Variants in BTD observed in about 807,000 individuals in gnomAD.
BTD encodes biocytinase.
Under a neutral mutation model 17.7 loss-of-function variants are expected in BTD, and 13 were observed. That is an observed-to-expected ratio of 0.74 (90% CI 0.48 to 1.17). The LOEUF is 1.17. BTD is among the 50% of genes most tolerant of loss of function. BTD has a pLI of 0.00. For synonymous variants in BTD, 240 were observed against 245.2 expected (o/e 0.98, Z 0.20); for missense variants, 674 against 650.4 (o/e 1.04, Z -0.39).
At chr3:15,628,704 T>C (rs2065127565) in intron 1 of BTD, among the ~76,000 whole-genome samples, 2 of 152,208 alleles carry the variant, frequency 1.3e-5, no homozygotes, top group Admixed American at 1.3e-4. Context: ...TGGAAAAGCT[T>C]TATGTGTGTG....
At position 15,646,643 on chromosome 3, in the gene BTD, A is replaced by C; in HGVS notation, c.*1155A>C. 1 of 152,244 alleles carries C rather than the reference A, an allele frequency of 6.6e-6. No individual in the cohort carries two copies. The highest frequency in any genetic ancestry group is 1.5e-5 in the Non-Finnish European group (1 of 68,050). The allele number at this position is 152,244 out of a possible 1,614,324, so 9.4% of individuals were successfully genotyped here. A position where few individuals can be genotyped will look rare whatever the true frequency, so the allele number is the denominator to read the frequency against. On this transcript the variant is annotated 3_prime_UTR_variant, in exon 4 of 4. Coordinates refer to ENST00000643237, the MANE Select transcript of BTD (RefSeq NM_001370658.1). ...CCATTTAAAAAAGGATTTTGACTGC[A>C]TGCCTAGTAGCTGTTTCAGATCATT...
At chr3:15,720,256 C>A (rs1157255557) in intron 4 of BTD, among the ~76,000 whole-genome samples, 1 of 152,078 alleles carries the variant, frequency 6.6e-6, no homozygotes, top group Non-Finnish European at 1.5e-5. Context: ...TTATGTGCAA[C>A]ACACTGACAG....
intron 2 of BTD, among the ~76,000 whole-genome samples, chr3:15,640,593 G>A (rs993383003): frequency 6.6e-6 from 1 of 152,036 alleles, no homozygotes; most frequent in African/African-American, 2.4e-5. Flanking sequence ...GTTTCATCAT[G>A]TTGGGCAGGC....
At chr3:15,689,217 G>C (rs2068498357) in intron 3 of BTD, among the ~76,000 whole-genome samples, 1 of 152,140 alleles carries the variant, frequency 6.6e-6, no homozygotes, top group African/African-American at 2.4e-5. Flanking sequence ...TGGGCCACTG[G>C]GTTTTAGAGG....
rs150356210 is a variant in BTD, at chr3:15,604,940, A to G, written c.-17+3046A>G. Among the ~76,000 whole-genome samples the G allele has an allele frequency of 1.8e-3, 271 of 152,178 alleles. 1 individual carries two copies. Among genetic ancestry groups the G allele is most frequent in the African/African-American group, 6.3e-3 (262 of 41,498 alleles). The stretch of plus-strand genomic sequence containing the variant: ...TCTAGGAGGTTCCAAACTTTCCCAC[A>G]TTTTCCTGTCTTCTGAGCCCTCCAA... On this transcript the variant is annotated intron_variant, in intron 1 of 3. Transcript: ENST00000643237.
At chr3:15,674,554 G>A (rs931900661) in intron 3 of BTD, among the ~76,000 whole-genome samples, 1 of 152,172 alleles carries the variant, frequency 6.6e-6, no homozygotes, top group African/African-American at 2.4e-5. Context: ...AATTAGGCAC[G>A]TGGATATATA....
chr3:15,618,258 C>T (rs896940079), intron 1 of BTD, among the ~76,000 whole-genome samples: 1 of 152,212 alleles, frequency 6.6e-6, no homozygotes, highest in South Asian at 2.1e-4. Context: ...TAAGCCACTG[C>T]TCCATATGCA....
At chr3:15,709,813 G>A in intron 3 of BTD, 2 of 876,554 alleles carry the variant, frequency 2.3e-6, no homozygotes, top group Admixed American at 3.1e-5. Context: ...AAAGAAGCAT[G>A]AAAGCATGTT....
rs527899879 is a variant in BTD at position 15,711,513 on chromosome 3, A to T, written c.*1439A>T. Among the ~76,000 whole-genome samples the T allele has an allele frequency of 2.6e-5, 4 of 152,348 alleles. No homozygotes were observed. In the East Asian group the frequency reaches 7.7e-4, roughly 29 times the overall value. ...ACCCTTGAGAACATTATATTAAGTG[A>T]AACAAGCCAGTCACAGAAGATCACA... On this transcript the variant is annotated 3_prime_UTR_variant, in exon 4 of 4. Coordinates refer to the BTD transcript ENST00000672141.
downstream of BTD, among the ~76,000 whole-genome samples, chr3:15,715,581 G>T (rs1021338166): frequency 6.6e-6 from 1 of 152,192 alleles, no homozygotes; most frequent in Non-Finnish European, 1.5e-5. Context: ...GAGAAAGGAA[G>T]GGGAGGAGGA....
At chr3:15,601,648 G>A (rs778429361), upstream of BTD, 22 of 1,553,462 alleles carry the variant, frequency 1.4e-5, no homozygotes, top group Non-Finnish European at 1.8e-5. Context: ...CCCGGGAGAG[G>A]TGAGAATGTA....
intron 3 of BTD, among the ~76,000 whole-genome samples, chr3:15,698,190 C>G (rs550000963): frequency 1.3e-5 from 2 of 152,084 alleles, no homozygotes. Flanking sequence ...AATTCAACAG[C>G]ACTTCATGCT....
chr3:15,614,975 T>A (rs2064752885), intron 1 of BTD, among the ~76,000 whole-genome samples: 1 of 152,196 alleles, frequency 6.6e-6, no homozygotes, highest in Admixed American at 6.5e-5. Context: ...TATTTGAAAA[T>A]TTTCACTAGT....
intron 1 of BTD, among the ~76,000 whole-genome samples, chr3:15,623,948 T>C (rs1374778762): frequency 6.6e-6 from 1 of 152,230 alleles, no homozygotes; most frequent in Non-Finnish European, 1.5e-5. Flanking sequence ...CTTCAGGTAG[T>C]TCTTTATAGC....
intron 3 of BTD, 166 bp downstream of exon 3, chr3:15,642,223 G>T (rs2065531112): frequency 6.8e-7 from 1 of 1,478,880 alleles, no homozygotes; most frequent in South Asian, 1.3e-5. Context: ...TTCCATTAAA[G>T]AATGTCTGAC....
rs191895315 is a variant in BTD at position 15,652,198 on chromosome 3, C to G, written c.*6710C>G. Among the ~76,000 whole-genome samples, 2 of 152,172 alleles carry G rather than the reference C, an allele frequency of 1.3e-5. No individual in the cohort carries two copies. The highest frequency in any genetic ancestry group is 6.5e-5 in the Admixed American group (1 of 15,270). On this transcript the variant is annotated 3_prime_UTR_variant, in exon 4 of 4. Transcript: ENST00000643237. Reference sequence around the variant, plus strand: ...AAAAATTAGCCGGCATGGTGGCACACGCCTGTAGTCCCAGCTAGTCGGGAG... The same window carrying G: ...AAAAATTAGCCGGCATGGTGGCACAGGCCTGTAGTCCCAGCTAGTCGGGAG...
chr3:15,644,822 C>T lies in BTD; in HGVS notation c.906C>T (p.Tyr302=). 6.2e-7 allele frequency: 1 copy of T among 1,614,170 alleles called. No individual in the cohort carries two copies. The highest frequency in any genetic ancestry group is 8.5e-7 in the Non-Finnish European group (1 of 1,180,034). The change falls in exon 4 of 4, where the codon TAC becomes TAT. Residue 302 remains tyrosine (Y), a synonymous_variant. Coordinates refer to ENST00000643237, the MANE Select transcript of BTD (RefSeq NM_001370658.1). The part of the protein sequence containing the change: ...GIHTPLESFW[Y]HDMENPKSHL... ...ACACCCCTCTGGAGTCCTTTTGGTACCATGACATGGAAAATCCCAAAAGTC... is the reference window on the plus strand; with the variant it reads ...ACACCCCTCTGGAGTCCTTTTGGTATCATGACATGGAAAATCCCAAAAGTC...
intron 3 of BTD, among the ~76,000 whole-genome samples, chr3:15,670,825 C>T (rs564744179): frequency 2.0e-5 from 3 of 152,242 alleles, no homozygotes; most frequent in South Asian, 2.1e-4. Flanking sequence ...ACAACTTATC[C>T]GTATCCATCT....
intron 3 of BTD, among the ~76,000 whole-genome samples, chr3:15,705,840 A>G (rs2071281712): frequency 6.8e-6 from 1 of 148,116 alleles, no homozygotes; most frequent in Non-Finnish European, 1.5e-5. Flanking sequence ...CTCTACTAAA[A>G]TTACAAAAAT....
Sources: allele counts gnomAD v4.1 joint callset (sites outside exome capture counted in the v4.1 genomes callset), GRCh38; gene constraint gnomAD v4.1.1; transcripts MANE v1.5; gene names NCBI Gene and HGNC (gene_info 2026-07-23, HGNC 2026-07-21).